RAPGEF4: variants seen among roughly 807,000 people sequenced by gnomAD.
RAPGEF4 encodes RAP guanine-nucleotide-exchange factor (GEF) 4.
A neutral mutation model predicts 147.9 loss-of-function variants in RAPGEF4; 66 were observed. The ratio of observed to expected loss-of-function variants is 0.45; its 90% confidence interval spans 0.37 to 0.55. The LOEUF (loss-of-function observed/expected upper bound fraction) is 0.55. Among genes scored for constraint, RAPGEF4 ranks in the 20% least tolerant of loss-of-function variants. The pLI is 0.00. For missense variants in RAPGEF4, 1,071 were observed against 1,257.3 expected, an observed-to-expected ratio of 0.85 and a Z score of 2.24; for synonymous variants, 419 against 442.7, an observed-to-expected ratio of 0.95 and a Z score of 0.67.
At chr2:172,979,948 C>T (rs1331019072) in intron 10 of RAPGEF4, among the ~76,000 whole-genome samples, 1 of 152,144 alleles carries the variant, frequency 6.6e-6, no homozygotes, top group Non-Finnish European at 1.5e-5. Context: ...ACTCGGGGGG[C>T]AGAGCTTGCA....
Position 172,983,564 on chromosome 2 carries a change from C to G in RAPGEF4, c.1073C>G (p.Ser358Cys), listed in dbSNP as rs1338771768. ...GAGCTTCTTCATATTAAAGCCTTAT[C>G]CCATCTTTCTACCACAGTAAGTTGT... The part of the protein sequence containing the change: ...YEELLHIKAL[S>C]HLSTTVKREL... Residue 358 changes from serine to cysteine, a missense_variant, in exon 11 of 31, where the codon TCC (serine) becomes TGC (cysteine). Physicochemically the swap from Ser to Cys is moderately radical, Grantham distance 112. Transcript: ENST00000397081. 9.9e-6 allele frequency: 16 copies of G among 1,613,514 alleles called. No homozygotes were observed. The highest frequency in any genetic ancestry group is 2.2e-5 in the East Asian group (1 of 44,854).
At chr2:172,952,359 C>T (rs1688289630) in intron 6 of RAPGEF4, among the ~76,000 whole-genome samples, 2 of 152,154 alleles carry the variant, frequency 1.3e-5, no homozygotes. Flanking sequence ...CAGAATTTCT[C>T]GTATTGGAAA....
intron 17 of RAPGEF4, among the ~76,000 whole-genome samples, chr2:173,009,785 C>T (rs1322290021): frequency 5.3e-5 from 8 of 152,290 alleles, no homozygotes; most frequent in Admixed American, 2.6e-4. Context: ...CAGGTATTAA[C>T]GATTTCTGTG....
chr2:172,940,108 G>T (rs1181125240), intron 6 of RAPGEF4, among the ~76,000 whole-genome samples: 2 of 152,108 alleles, frequency 1.3e-5, no homozygotes, highest in African/African-American at 4.8e-5. Flanking sequence ...TTTGTAGAAT[G>T]TCCCTCACTT....
Position 173,017,500 on chromosome 2 carries a change from T to A in RAPGEF4, c.2004T>A (p.Asp668Glu). ...AGCGCCAGCCTATCCGCGGCTCTGA[T>A]GAAGGTGAGAACCCTCTTCCAACTA... ...AQKRQPIRGS[D>E]EVLFKVYCMD... is the part of the protein sequence containing the mutation. Residue 668 changes from aspartate to glutamate, a missense_variant, in exon 21 of 31, where the codon GAT (aspartate) becomes GAA (glutamate). Asp to Glu is a conservative substitution (Grantham distance 45). Transcript: ENST00000397081. 4 of 1,612,960 alleles carry A rather than the reference T, an allele frequency of 2.5e-6. No homozygotes were observed. Among genetic ancestry groups the A allele is most frequent in the Non-Finnish European group, 3.4e-6 (4 of 1,178,928 alleles).
At chr2:173,049,206 A>G (rs912515750) in intron 30 of RAPGEF4, among the ~76,000 whole-genome samples, 10 of 152,242 alleles carry the variant, frequency 6.6e-5, no homozygotes, top group Non-Finnish European at 1.0e-4. Flanking sequence ...CTGAACATCT[A>G]TCACAAGAAC....
chr2:173,004,829 A>C (rs1694275848), intron 17 of RAPGEF4, among the ~76,000 whole-genome samples: 1 of 152,026 alleles, frequency 6.6e-6, no homozygotes, highest in Non-Finnish European at 1.5e-5. Context: ...ATAATGTTAC[A>C]TGTGCTTTTT....
At chr2:172,882,806 T>TCATC (rs1696769055) in intron 4 of RAPGEF4, among the ~76,000 whole-genome samples, 1 of 151,726 alleles carries the variant, frequency 6.6e-6, no homozygotes, top group Admixed American at 6.6e-5. Flanking sequence ...ACATTATCAT[T>TCATC]ATCATCATCA....
At chr2:172,955,543 C>T (rs996861221) in intron 6 of RAPGEF4, among the ~76,000 whole-genome samples, 4 of 152,240 alleles carry the variant, frequency 2.6e-5, no homozygotes, top group African/African-American at 9.6e-5. Flanking sequence ...TGTCACAGCC[C>T]CATTTGGATT....
intron 15 of RAPGEF4, among the ~76,000 whole-genome samples, chr2:172,994,125 C>T (rs187202751): frequency 6.6e-6 from 1 of 152,324 alleles, no homozygotes; most frequent in East Asian, 1.9e-4. Flanking sequence ...ACACGGCTAG[C>T]TATAGAGCTT....
chr2:172,970,880 G>A (rs557859408), intron 10 of RAPGEF4, among the ~76,000 whole-genome samples: 8 of 152,156 alleles, frequency 5.3e-5, no homozygotes, highest in African/African-American at 9.7e-5. Flanking sequence ...CACAATGCCC[G>A]TCCTGGTTTC....
intron 4 of RAPGEF4, among the ~76,000 whole-genome samples, chr2:172,830,677 C>T (rs900034055): frequency 3.1e-4 from 47 of 152,310 alleles, no homozygotes; most frequent in African/African-American, 3.1e-4. Context: ...AATCACGGCT[C>T]GCTGTAGTCT....
intron 23 of RAPGEF4, among the ~76,000 whole-genome samples, chr2:173,023,273 T>G (rs1348254621): frequency 6.6e-6 from 1 of 152,132 alleles, no homozygotes; most frequent in African/African-American, 2.4e-5. Flanking sequence ...CAATTACCCC[T>G]CTCCAGCCTT....
At chr2:172,966,567 C>T (rs1365666898) in intron 9 of RAPGEF4, among the ~76,000 whole-genome samples, 1 of 152,128 alleles carries the variant, frequency 6.6e-6, no homozygotes, top group African/African-American at 2.4e-5. Flanking sequence ...TGAAAAGGGG[C>T]TCAAGGCTGT....
chr2:172,977,304 C>T (rs555894201), intron 10 of RAPGEF4, among the ~76,000 whole-genome samples: 17 of 152,218 alleles, frequency 1.1e-4, no homozygotes, highest in South Asian at 4.1e-4. Context: ...CTGTCACCCC[C>T]GTAAAGACCA....
At chr2:172,748,981 A>T (rs923915736) in intron 1 of RAPGEF4, among the ~76,000 whole-genome samples, 2 of 152,248 alleles carry the variant, frequency 1.3e-5, no homozygotes, top group East Asian at 3.9e-4. Flanking sequence ...TTGACTCCAC[A>T]TCTCACATCC....
At chr2:172,858,763 A>G (rs894220933) in intron 4 of RAPGEF4, among the ~76,000 whole-genome samples, 1 of 152,210 alleles carries the variant, frequency 6.6e-6, no homozygotes, top group Non-Finnish European at 1.5e-5. Context: ...TTTAAAGTTT[A>G]CCCAAGTGAT....
intron 25 of RAPGEF4, among the ~76,000 whole-genome samples, chr2:173,029,896 C>A (rs1269383118): frequency 2.0e-5 from 3 of 152,208 alleles, no homozygotes; most frequent in Non-Finnish European, 4.4e-5. Context: ...ATTATAATAA[C>A]AACCCCTAAG....
chr2:172,787,972 T>C (rs1283280879), intron 1 of RAPGEF4, among the ~76,000 whole-genome samples: 1 of 152,156 alleles, frequency 6.6e-6, no homozygotes, highest in African/African-American at 2.4e-5. Flanking sequence ...TTATTTCTCA[T>C]AGTTCTAGAG....
Sources: gnomAD v4.1 joint callset for allele counts (sites outside exome capture counted in the v4.1 genomes callset) on GRCh38, gnomAD v4.1.1 for gene constraint, MANE v1.5 for transcripts, NCBI Gene and HGNC (gene_info 2026-07-23, HGNC 2026-07-21) for gene names.